ZEB2: variants seen among roughly 807,000 people sequenced by gnomAD.
ZEB2 encodes zinc finger E-box-binding homeobox 2.
In ZEB2, 6 loss-of-function variants were observed where a neutral mutation model predicts 99.9. The ratio of observed to expected loss-of-function variants is 0.06; its 90% CI spans 0.03 to 0.12. ZEB2 has a LOEUF of 0.12. Among genes scored for constraint, ZEB2 ranks in the 10% least tolerant of loss-of-function variants. The probability of loss-of-function intolerance (pLI) is 1.00; values close to 1 mark genes in which losing one functional copy is unlikely to be tolerated. For missense variants in ZEB2, 969 were observed against 1,502.8 expected, an observed-to-expected ratio of 0.64 and a Z score of 5.87; for synonymous variants, 517 against 542.5, an observed-to-expected ratio of 0.95 and a Z score of 0.65.
intron 9 of ZEB2, among the ~76,000 whole-genome samples, chr2:144,393,219 C>T (rs930019285): frequency 2.6e-5 from 4 of 152,162 alleles, no homozygotes; most frequent in African/African-American, 9.7e-5. Flanking sequence ...TCCTCTGTCC[C>T]AGTCCCAGGT....
chr2:144,483,171 A>G (rs979585479), intron 2 of ZEB2, among the ~76,000 whole-genome samples: 2 of 106,812 alleles, frequency 1.9e-5, no homozygotes, highest in African/African-American at 7.7e-5. Flanking sequence ...CACATACCCT[A>G]AGACACTGGA....
intron 2 of ZEB2, among the ~76,000 whole-genome samples, chr2:144,440,343 A>G (rs1358063517): frequency 2.0e-5 from 3 of 151,996 alleles, no homozygotes; most frequent in Non-Finnish European, 1.5e-5. Context: ...ATCCTCATGT[A>G]TTTGTAAACT....
intron 2 of ZEB2, among the ~76,000 whole-genome samples, chr2:144,444,131 C>T (rs1202897960): frequency 6.6e-6 from 1 of 152,196 alleles, no homozygotes; most frequent in East Asian, 1.9e-4. Flanking sequence ...CTGCATCTAC[C>T]ACAATACTAA....
At chr2:144,479,130 T>C (rs1348892927) in intron 2 of ZEB2, among the ~76,000 whole-genome samples, 2 of 152,220 alleles carry the variant, frequency 1.3e-5, no homozygotes, top group Admixed American at 6.5e-5. Context: ...AAATCATAGT[T>C]TAAAAATAAT....
At chr2:144,498,283 C>T (rs542531547) in intron 2 of ZEB2, among the ~76,000 whole-genome samples, 26 of 148,882 alleles carry the variant, frequency 1.7e-4, no homozygotes, top group African/African-American at 3.5e-4. Context: ...AAGGTCCTCG[C>T]GCTCTATTGA....
At chr2:144,425,278 TG>T (rs1703676767) in intron 3 of ZEB2, among the ~76,000 whole-genome samples, 1 of 152,264 alleles carries the variant, frequency 6.6e-6, no homozygotes, top group African/African-American at 2.4e-5. Context: ...TTTCACATTT[TG>T]TTTTCATGCT....
intron 2 of ZEB2, among the ~76,000 whole-genome samples, chr2:144,472,716 C>T (rs549860114): frequency 2.0e-5 from 3 of 151,824 alleles, no homozygotes; most frequent in Admixed American, 6.6e-5. Flanking sequence ...GATGGACTAC[C>T]GAAAGAAAGT....
chr2:144,465,903 T>C (rs937688432), intron 2 of ZEB2, among the ~76,000 whole-genome samples: 3 of 152,144 alleles, frequency 2.0e-5, no homozygotes, highest in Admixed American at 6.6e-5. Flanking sequence ...GAGCAACTAC[T>C]AGATAATTTC....
chr2:144,480,199 T>G (rs1317467965), intron 2 of ZEB2, among the ~76,000 whole-genome samples: 1 of 152,180 alleles, frequency 6.6e-6, no homozygotes, highest in Non-Finnish European at 1.5e-5. Flanking sequence ...CCATAAAAAC[T>G]TTTTAGAAAA....
At position 144,399,144 on chromosome 2, in the gene ZEB2, C is replaced by T. The variant is rs769391382; in HGVS notation, c.2043G>A (p.Val681=). The T allele has an allele frequency of 1.4e-5, 23 of 1,613,952 alleles. No homozygotes were observed. The highest frequency in any genetic ancestry group is 1.5e-5 in the Non-Finnish European group (18 of 1,180,020). ...CCTTCACAAATTCCTGAGGAAGGCCCACAGCAATGGAAATTTTCAGCAGTT... is the reference window on the plus strand; with the variant it reads ...CCTTCACAAATTCCTGAGGAAGGCCTACAGCAATGGAAATTTTCAGCAGTT... ...SDELLKISIA[V]GLPQEFVKEW... The change falls in exon 8 of 10, where the codon GTG becomes GTA. Residue 681 remains valine, a synonymous_variant. Coordinates refer to ENST00000627532, the MANE Select transcript of ZEB2 (RefSeq NM_014795.4). This position sits in a 1 kb window ranked among gnomAD's most constrained non-coding sequence, Gnocchi z 5.6.
At chr2:144,438,050 C>T (rs1338033299) in intron 2 of ZEB2, among the ~76,000 whole-genome samples, 3 of 152,204 alleles carry the variant, frequency 2.0e-5, no homozygotes, top group African/African-American at 7.2e-5. Flanking sequence ...AAAACCTTAG[C>T]ATGAACCCAT....
intron 2 of ZEB2, chr2:144,511,292 T>A: frequency 2.6e-6 from 2 of 755,548 alleles, no homozygotes; most frequent in South Asian, 5.0e-5. Flanking sequence ...AGCCAAAAGA[T>A]ACACGCATGG....
At chr2:144,433,928 A>G (rs534140668) in intron 2 of ZEB2, among the ~76,000 whole-genome samples, 1 of 152,220 alleles carries the variant, frequency 6.6e-6, no homozygotes, top group Non-Finnish European at 1.5e-5. Context: ...AAAATGGCCT[A>G]TCATAGCATT....
intron 2 of ZEB2, among the ~76,000 whole-genome samples, chr2:144,442,386 T>A (rs373832003): frequency 1.3e-5 from 2 of 152,174 alleles, no homozygotes; most frequent in Non-Finnish European, 2.9e-5. Flanking sequence ...AGAATCTATA[T>A]AAGTTCATGA....
intron 2 of ZEB2, among the ~76,000 whole-genome samples, chr2:144,447,678 G>T (rs1014739687): frequency 2.0e-5 from 3 of 152,210 alleles, no homozygotes; most frequent in African/African-American, 7.2e-5. Flanking sequence ...TTTGAAGCAT[G>T]ATGGTCCCTA....
chr2:144,442,348 A>C (rs985283941), intron 2 of ZEB2, among the ~76,000 whole-genome samples: 16 of 152,190 alleles, frequency 1.1e-4, no homozygotes, highest in African/African-American at 3.9e-4. Context: ...TATTTAAAAA[A>C]TTTAGTTTCA....
At chr2:144,439,714 G>A (rs1333502139) in intron 2 of ZEB2, among the ~76,000 whole-genome samples, 2 of 152,144 alleles carry the variant, frequency 1.3e-5, no homozygotes, top group Non-Finnish European at 2.9e-5. Flanking sequence ...TCAGAAAATA[G>A]GAGCCTTTTT....
intron 2 of ZEB2, chr2:144,460,966 C>T (rs887841757): frequency 1.3e-5 from 2 of 152,132 alleles, no homozygotes; most frequent in Middle Eastern, 3.4e-3. Flanking sequence ...TGAGACAACA[C>T]ATAACATAAG....
At position 144,504,969 on chromosome 2, in the gene ZEB2, C is replaced by T. The variant is rs557660257; in HGVS notation, c.73+12309G>A. On this transcript the variant is annotated intron_variant, in intron 2 of 9. Transcript: ENST00000627532. ...CTAAAACATAAAGTGCAATAATCGT[C>T]CTGCTGTCAGGATCACCACTTTAAA... Among the ~76,000 whole-genome samples, 5 of 152,262 alleles carry T rather than the reference C, an allele frequency of 3.3e-5. No homozygotes were observed. The East Asian group carries it at 7.7e-4, about 23-fold the overall frequency.
Sources: gnomAD v4.1 joint callset for allele counts (sites outside exome capture counted in the v4.1 genomes callset) on GRCh38, gnomAD v4.1.1 for gene constraint, Gnocchi (gnomAD v3.1) non-coding constraint, MANE v1.5 for transcripts, NCBI Gene and HGNC (gene_info 2026-07-23, HGNC 2026-07-21) for gene names.